Variants in SPINDOC observed in about 807,000 individuals in gnomAD.
SPINDOC encodes spindlin interactor and repressor of chromatin binding, also known as spindlin interactor and repressor of chromatin-binding protein.
In SPINDOC, 13 loss-of-function variants were observed where a neutral mutation model predicts 30.7. The ratio of observed to expected loss-of-function variants is 0.42; its 90% CI spans 0.28 to 0.67. SPINDOC has a LOEUF of 0.67. SPINDOC is among the 30% of genes least tolerant of loss of function. The pLI is 0.22. For missense variants in SPINDOC, 438 were observed against 518.0 expected (o/e 0.85, Z 1.50); for synonymous variants, 228 against 211.4 (o/e 1.08, Z -0.68).
rs148505115 is a variant in SPINDOC, at chr11:63,824,064, C to G, written c.935-2864C>G. On this transcript the variant is annotated intron_variant, in intron 5 of 5. Coordinates refer to ENST00000294244, the MANE Select transcript of SPINDOC (RefSeq NM_138471.3). Reference sequence around the variant, plus strand: ...CTGGGATTACAGGCGTGCGCCACCACGCCTGGCTAATTTTTTTGTATTATT... The same window carrying G: ...CTGGGATTACAGGCGTGCGCCACCAGGCCTGGCTAATTTTTTTGTATTATT... Among the ~76,000 whole-genome samples the G allele has an allele frequency of 4.0e-3, 610 of 152,244 alleles. 2 individuals are homozygous for G. The highest frequency in any genetic ancestry group is 0.014 in the African/African-American group (579 of 41,544).
rs1162623095 is a variant in SPINDOC, at chr11:63,827,176, C to T, written c.*37C>T. On this transcript the variant is annotated 3_prime_UTR_variant, in exon 6 of 6. Transcript: ENST00000294244. ...CCTGGGGAGGGAGGGAGGGATGAGGCAGCGTCCCCCAGTGGCTTATAACTC... is the reference window on the plus strand; with the variant it reads ...CCTGGGGAGGGAGGGAGGGATGAGGTAGCGTCCCCCAGTGGCTTATAACTC... 1.9e-6 allele frequency: 3 copies of T among 1,602,286 alleles called. No individual in the cohort carries two copies. Among genetic ancestry groups the T allele is most frequent in the Non-Finnish European group, 2.6e-6 (3 of 1,174,362 alleles).
In SPINDOC at chr11:63,825,506, G is replaced by A. The variant is rs114425585; in HGVS notation, c.935-1422G>A. Reference sequence around the variant, plus strand: ...ATATAACATACTGCATTTTTTATTTGTTTATCCTATTTATTAGCTCTGATA... The same window carrying A: ...ATATAACATACTGCATTTTTTATTTATTTATCCTATTTATTAGCTCTGATA... On this transcript the variant is annotated intron_variant, in intron 5 of 5. Transcript: ENST00000294244. Among the ~76,000 whole-genome samples the A allele has an allele frequency of 5.6e-3, 848 of 152,152 alleles. 5 individuals are homozygous for A. The highest frequency in any genetic ancestry group is 0.019 in the African/African-American group (802 of 41,486).
Position 63,827,042 on chromosome 11 carries a change from A to G in SPINDOC, c.1049A>G (p.Lys350Arg). 6.2e-7 allele frequency: 1 copy of G among 1,614,204 alleles called. No homozygotes were observed. Among genetic ancestry groups the G allele is most frequent in the Middle Eastern group, 1.6e-4 (1 of 6,062 alleles). ...QDWSRHPQGT[K>R]RVGAGDTSDW... The stretch of plus-strand genomic sequence containing the variant: ...TGGTCCAGGCACCCCCAGGGCACCA[A>G]GCGTGTGGGAGCAGGTGACACCTCA... The change falls in exon 6 of 6, where the codon AAG becomes AGG. Residue 350 changes from lysine to arginine, a missense_variant. Transcript: ENST00000294244.
chr11:63,818,579 G>A lies in SPINDOC; in HGVS notation c.660G>A (p.Lys220=), dbSNP rs139122734. The change falls in exon 4 of 6, where the codon AAG becomes AAA. Residue 220 remains lysine (K), a synonymous_variant. Transcript: ENST00000294244. This position sits in a 1 kb window ranked among gnomAD's most constrained non-coding sequence, Gnocchi z 5.3. The part of the protein sequence containing the change: ...GNKKPRGQRW[K]EPPGEEPVRK... Reference sequence around the variant, plus strand: ...AGAAGCCCCGTGGTCAGAGATGGAAGGAACCCCCAGGGGAAGAGCCAGTCA... The same window carrying A: ...AGAAGCCCCGTGGTCAGAGATGGAAAGAACCCCCAGGGGAAGAGCCAGTCA... The A allele has an allele frequency of 7.1e-5, 115 of 1,613,698 alleles. No homozygotes were observed. The African/African-American group carries it at 1.3e-3, about 19-fold the overall frequency.
rs778822821 is a variant in SPINDOC, at chr11:63,818,394, C to G, written c.607+29C>G. 7.4e-6 allele frequency: 12 copies of G among 1,611,026 alleles called. No individual in the cohort carries two copies. Among genetic ancestry groups the G allele is most frequent in the Non-Finnish European group, 1.0e-5 (12 of 1,178,420 alleles). On this transcript the variant is annotated intron_variant, in intron 3 of 5. Coordinates refer to ENST00000294244, the MANE Select transcript of SPINDOC (RefSeq NM_138471.3). This position sits in a 1 kb window ranked among gnomAD's most constrained non-coding sequence, Gnocchi z 5.3. The stretch of plus-strand genomic sequence containing the variant: ...AGTCAACAGAGAAGCCAGTGAGCCC[C>G]GGTGGAGGTGGGGGTTTGGGGACAG...
At chr11:63,822,596 C>T in intron 5 of SPINDOC, 1 of 1,288,958 alleles carries the variant, frequency 7.8e-7, no homozygotes, top group Non-Finnish European at 1.0e-6. Context: ...CAGGCCTCAC[C>T]CCTTCACGTA....
chr11:63,826,995 A>G lies in SPINDOC; in HGVS notation c.1002A>G (p.Pro334=). ...TCCGCGTGCGGATGGAGGAGCCCCC[A>G]GCGGTCAGCCTCCTGCAAGACTGGT... The part of the protein sequence containing the change: ...QVIRVRMEEP[P]AVSLLQDWSR... The change falls in exon 6 of 6, where the codon CCA becomes CCG. Residue 334 remains proline (P), a synonymous_variant. Transcript: ENST00000294244. 2 of 1,613,898 alleles carry G rather than the reference A, an allele frequency of 1.2e-6. No homozygotes were observed. The highest frequency in any genetic ancestry group is 1.7e-6 in the Non-Finnish European group (2 of 1,179,824).
chr11:63,814,582 G>A (rs960766195), intron 1 of SPINDOC, among the ~76,000 whole-genome samples: 3 of 152,190 alleles, frequency 2.0e-5, no homozygotes, highest in Admixed American at 6.5e-5. Context: ...GACTTAATAT[G>A]CATGAAAATG....
At chr11:63,817,589 G>C (rs2015375431) in intron 1 of SPINDOC, among the ~76,000 whole-genome samples, 1 of 152,184 alleles carries the variant, frequency 6.6e-6, no homozygotes, top group African/African-American at 2.4e-5. Context: ...ACTAGATCAA[G>C]AGGAAGTATA....
intron 5 of SPINDOC, among the ~76,000 whole-genome samples, chr11:63,822,217 C>T (rs1590935546): frequency 6.6e-6 from 1 of 151,964 alleles, no homozygotes; most frequent in Admixed American, 6.6e-5. Context: ...TTGGTGTGCA[C>T]CTCTAGTCCC....
intron 5 of SPINDOC, among the ~76,000 whole-genome samples, chr11:63,825,113 T>C (rs2015622537): frequency 6.6e-6 from 1 of 152,098 alleles, no homozygotes; most frequent in Non-Finnish European, 1.5e-5. Context: ...GCAGCCAGAG[T>C]GTCCCTGCTG....
chr11:63,818,605 GAAAGA>G lies in SPINDOC; in HGVS notation c.692_696del (p.Lys231ArgfsTer11). 6.2e-7 allele frequency: 1 copy of G among 1,613,762 alleles called. No homozygotes were observed. The highest frequency in any genetic ancestry group is 8.5e-7 in the Non-Finnish European group (1 of 1,180,016). On this transcript the variant is annotated frameshift_variant, in exon 4 of 6. Transcript: ENST00000294244. LOFTEE classifies it high-confidence loss of function. The surrounding 1 kb of genome is among the most constrained non-coding windows in gnomAD (Gnocchi z 5.3). ...GAACCCCCAGGGGAAGAGCCAGTCA[GAAAGA>G]AAAGAGGCAGACCTATGACCAAAAA...
Position 63,818,635 on chromosome 11 carries a change from A to C in SPINDOC, c.716A>C (p.Asn239Thr), listed in dbSNP as rs1053635304. 5 of 1,613,504 alleles carry C rather than the reference A, an allele frequency of 3.1e-6. No homozygotes were observed. Among genetic ancestry groups the C allele is most frequent in the Non-Finnish European group, 4.2e-6 (5 of 1,179,994 alleles). ...AAAAGAGGCAGACCTATGACCAAAAACCTGGACCCTGACCCAGGTGAAGGG... is the reference window on the plus strand; with the variant it reads ...AAAAGAGGCAGACCTATGACCAAAACCCTGGACCCTGACCCAGGTGAAGGG... ...RKKRGRPMTK[N>T]LDPDPEPPSP... The change falls in exon 4 of 6, where the codon AAC becomes ACC. Residue 239 changes from asparagine to threonine, a missense_variant. Physicochemically the swap from Asn to Thr is moderately conservative, Grantham distance 65. This residue lies in a region of SPINDOC where 300 missense variants were observed against 332.8 expected (regional missense o/e 0.90). Coordinates refer to ENST00000294244, the MANE Select transcript of SPINDOC (RefSeq NM_138471.3). The surrounding 1 kb of genome is among the most constrained non-coding windows in gnomAD (Gnocchi z 5.3).
At chr11:63,819,526 T>C (rs573557456) in intron 5 of SPINDOC, among the ~76,000 whole-genome samples, 1 of 151,750 alleles carries the variant, frequency 6.6e-6, no homozygotes, top group South Asian at 2.1e-4. Flanking sequence ...GACAAGAGTC[T>C]TGCTCTGTCG....
intron 1 of SPINDOC, 33 bp downstream of exon 1, chr11:63,813,846 C>T: frequency 6.7e-7 from 1 of 1,483,774 alleles, no homozygotes; most frequent in Non-Finnish European, 9.0e-7. Context: ...TTCCGCGTCA[C>T]GGTGCGGGGC....
rs776702590 is a variant in SPINDOC, at chr11:63,818,684, C to G, written c.733+32C>G. 27 of 1,612,824 alleles carry G rather than the reference C, an allele frequency of 1.7e-5. 2 individuals are homozygous for G. In the South Asian group the frequency reaches 2.7e-4, roughly 16 times the overall value. On this transcript the variant is annotated intron_variant, in intron 4 of 5. Coordinates refer to ENST00000294244, the MANE Select transcript of SPINDOC (RefSeq NM_138471.3). This position sits in a 1 kb window ranked among gnomAD's most constrained non-coding sequence, Gnocchi z 5.3. ...GGGAGGCCCGGGGGAGGCGTGGGCT[C>G]TGGCCGCAGTGCTCTGAGGAAATCC...
rs58017969 is a variant in SPINDOC, at chr11:63,820,593, T to C, written c.934+1591T>C. On this transcript the variant is annotated intron_variant, in intron 5 of 5. Transcript: ENST00000294244. ...AACAAATCACACAAATCTAATGGCT[T>C]AAAACAACACACATCGGGCCGGGCG... Among the ~76,000 whole-genome samples, 444 of 151,554 alleles carry C rather than the reference T, an allele frequency of 2.9e-3. 1 individual carries two copies. Among genetic ancestry groups the C allele is most frequent in the African/African-American group, 0.01 (433 of 41,294 alleles).
chr11:63,824,582 A>T (rs544881010), intron 5 of SPINDOC, among the ~76,000 whole-genome samples: 1 of 148,988 alleles, frequency 6.7e-6, no homozygotes, highest in South Asian at 2.1e-4. Context: ...TCCCTGGGAG[A>T]TCTCATCCAG....
In SPINDOC at chr11:63,818,212, G is replaced by T. The variant is rs1342594617; in HGVS notation, c.458-4G>T. 2 of 1,614,062 alleles carry T rather than the reference G, an allele frequency of 1.2e-6. No homozygotes were observed. The highest frequency in any genetic ancestry group is 1.1e-5 in the South Asian group (1 of 91,082). On this transcript the variant is annotated splice_region_variant and splice_polypyrimidine_tract_variant and intron_variant, in intron 2 of 5. Coordinates refer to ENST00000294244, the MANE Select transcript of SPINDOC (RefSeq NM_138471.3). This position sits in a 1 kb window ranked among gnomAD's most constrained non-coding sequence, Gnocchi z 5.3. ...GAAGCTCATTGTGCTCTTGCTCCCT[G>T]CAGACTCGGGCCAGGATGCCCACCC...
Sources: allele counts gnomAD v4.1 joint callset (sites outside exome capture counted in the v4.1 genomes callset), GRCh38; gene constraint gnomAD v4.1.1; regional missense constraint gnomAD v4.1.1; non-coding constraint Gnocchi (gnomAD v3.1); transcripts MANE v1.5; gene names NCBI Gene and HGNC (gene_info 2026-07-23, HGNC 2026-07-21).